Variants in DLGAP4 observed in about 807,000 individuals in gnomAD.
The protein encoded by DLGAP4 is DLG associated protein 4.
Under a neutral mutation model 86.9 loss-of-function variants are expected in DLGAP4, and 18 were observed. The ratio of observed to expected loss-of-function variants is 0.21; its 90% CI spans 0.14 to 0.31. The LOEUF (loss-of-function observed/expected upper bound fraction) is 0.31, where lower values mean the gene tolerates loss of function less well. Among genes scored for constraint, DLGAP4 ranks in the 10% least tolerant of loss-of-function variants. The pLI is 1.00. For synonymous variants in DLGAP4, 548 were observed against 574.3 expected (o/e 0.95, Z 0.65); for missense variants, 1,085 against 1,362.6 (o/e 0.80, Z 3.21).
intron 2 of DLGAP4, among the ~76,000 whole-genome samples, chr20:36,419,653 G>T (rs1569493314): frequency 6.6e-6 from 1 of 152,178 alleles, no homozygotes; most frequent in African/African-American, 2.4e-5. Flanking sequence ...CTTCCAAGGT[G>T]GTTCACCCAC....
chr20:36,505,345 T>C (rs886798068), intron 10 of DLGAP4, among the ~76,000 whole-genome samples: 3 of 152,194 alleles, frequency 2.0e-5, no homozygotes, highest in African/African-American at 7.2e-5. Context: ...TGCTTGTGTC[T>C]CCACTTATTT....
intron 2 of DLGAP4, among the ~76,000 whole-genome samples, chr20:36,413,058 C>T (rs2032547358): frequency 6.7e-6 from 1 of 149,810 alleles, no homozygotes; most frequent in African/African-American, 2.5e-5. Context: ...TGGCTCACTG[C>T]AACCTCCGCC....
intron 7 of DLGAP4, among the ~76,000 whole-genome samples, chr20:36,482,328 T>C (rs2035223930): frequency 1.3e-5 from 2 of 152,176 alleles, no homozygotes; most frequent in African/African-American, 2.4e-5. Flanking sequence ...CCTATGACAG[T>C]TGGTGAAAGC....
chr20:36,373,020 T>A (rs1006818918), intron 2 of DLGAP4, among the ~76,000 whole-genome samples: 2 of 152,094 alleles, frequency 1.3e-5, no homozygotes, highest in African/African-American at 4.8e-5. Flanking sequence ...TTATGAAAAA[T>A]ATATATAAAC....
intron 7 of DLGAP4, among the ~76,000 whole-genome samples, chr20:36,457,792 GGC>G (rs2033917258): frequency 2.6e-5 from 4 of 151,054 alleles, no homozygotes; most frequent in Admixed American, 2.6e-4. Context: ...TGAGATTACA[GGC>G]ACACCCAGCT....
chr20:36,312,803 G>C (rs1347816123), intron 1 of DLGAP4, among the ~76,000 whole-genome samples: 1 of 152,156 alleles, frequency 6.6e-6, no homozygotes, highest in East Asian at 1.9e-4. Context: ...TTCCTGCAGT[G>C]ACAGATAAGC....
In DLGAP4 at chr20:36,527,487, T is replaced by C. The variant is rs1420453365; in HGVS notation, c.*456T>C. 6.5e-6 allele frequency: 1 copy of C among 154,500 alleles called. No individual in the cohort carries two copies. The highest frequency in any genetic ancestry group is 2.4e-5 in the African/African-American group (1 of 41,444). 9.6% of individuals were successfully genotyped at this position (154,500 alleles called of 1,614,324 possible). ...TGACCTTGATTTTCATTCTTATGTT[T>C]TTCTCTTTTCCCTTCAGAGCTCACA... On this transcript the variant is annotated 3_prime_UTR_variant, in exon 13 of 13. Transcript: ENST00000339266.
intron 1 of DLGAP4, among the ~76,000 whole-genome samples, chr20:36,344,340 G>C (rs1555892777): frequency 6.6e-6 from 1 of 152,152 alleles, no homozygotes; most frequent in Non-Finnish European, 1.5e-5. Flanking sequence ...ATTCTTGGAA[G>C]ACCAGGCACA....
chr20:36,483,237 G>A (rs1030985703), intron 7 of DLGAP4, among the ~76,000 whole-genome samples: 4 of 152,208 alleles, frequency 2.6e-5, no homozygotes, highest in African/African-American at 9.7e-5. Context: ...ACTGGATATG[G>A]CTGCAGTGGT....
intron 7 of DLGAP4, among the ~76,000 whole-genome samples, chr20:36,474,706 GTTTCT>G (rs1304257609): frequency 6.6e-6 from 1 of 151,336 alleles, no homozygotes; most frequent in East Asian, 2.0e-4. Context: ...TGTCCCAGCA[GTTTCT>G]TTAAAAGAGG....
chr20:36,515,649 T>G (rs908561640), intron 10 of DLGAP4, among the ~76,000 whole-genome samples: 12 of 152,342 alleles, frequency 7.9e-5, no homozygotes, highest in South Asian at 4.1e-4. Flanking sequence ...GGTCTCAAAC[T>G]TCTAGCCTTA....
At chr20:36,494,984 GTTT>G (rs752411826) in intron 7 of DLGAP4, among the ~76,000 whole-genome samples, 61 of 75,396 alleles carry the variant, frequency 8.1e-4, no homozygotes, top group African/African-American at 1.2e-3. Context: ...TTTTTGTTCG[GTTT>G]TTTTTTTTTT....
intron 1 of DLGAP4, among the ~76,000 whole-genome samples, chr20:36,310,935 G>C (rs1471081546): frequency 6.6e-6 from 1 of 152,152 alleles, no homozygotes; most frequent in Non-Finnish European, 1.5e-5. Context: ...AATATGGGGG[G>C]ATGCTTTGTG....
At chr20:36,317,223 TTTTCTTTCTTTCTTTCTTTCTTTC>T (rs1229773592) in intron 1 of DLGAP4, among the ~76,000 whole-genome samples, 27 of 93,774 alleles carry the variant, frequency 2.9e-4, no homozygotes, top group East Asian at 9.6e-4. Flanking sequence ...TCCTCTCCTT[TTTTCTTTCTTTCTTTCTTTCTTTC>T]TTTCTTTCTT....
chr20:36,333,987 G>C (rs1447023565), intron 1 of DLGAP4, among the ~76,000 whole-genome samples: 1 of 152,238 alleles, frequency 6.6e-6, no homozygotes, highest in African/African-American at 2.4e-5. Flanking sequence ...CAACCCACAG[G>C]GGTGACCAGG....
chr20:36,413,020 C>T (rs1247757295), intron 2 of DLGAP4, among the ~76,000 whole-genome samples: 2 of 150,704 alleles, frequency 1.3e-5, no homozygotes, highest in Non-Finnish European at 3.0e-5. Flanking sequence ...CACTCTGTCA[C>T]CCAGGCTGGA....
chr20:36,401,501 C>T (rs767563635), intron 2 of DLGAP4, among the ~76,000 whole-genome samples: 7 of 152,180 alleles, frequency 4.6e-5, no homozygotes, highest in African/African-American at 7.2e-5. Flanking sequence ...TCCTCACCTG[C>T]GGAATGGGTT....
chr20:36,452,382 T>G (rs2033759298), intron 7 of DLGAP4, among the ~76,000 whole-genome samples: 1 of 152,072 alleles, frequency 6.6e-6, no homozygotes, highest in Non-Finnish European at 1.5e-5. Flanking sequence ...TCTCCTTATG[T>G]TCTACCAGGC....
chr20:36,499,728 C>T (rs550336958), intron 9 of DLGAP4, 52 bp downstream of exon 9: 18 of 1,467,176 alleles, frequency 1.2e-5, no homozygotes, highest in East Asian at 4.6e-5. Flanking sequence ...TCCCTCCCTC[C>T]GCTCTCACCT....
Sources: gnomAD v4.1 joint callset for allele counts (sites outside exome capture counted in the v4.1 genomes callset) on GRCh38, gnomAD v4.1.1 for gene constraint, MANE v1.5 for transcripts, NCBI Gene and HGNC (gene_info 2026-07-23, HGNC 2026-07-21) for gene names.